RNF150: variants seen among roughly 807,000 people sequenced by gnomAD.
RNF150 encodes the protein ring finger protein 150.
In RNF150, 24 loss-of-function variants were observed where a neutral mutation model predicts 39.3. That is an observed-to-expected ratio of 0.61 (90% CI 0.44 to 0.86). RNF150 has a LOEUF of 0.86. Ranked by LOEUF, RNF150 falls within the 40% of genes least tolerant of loss-of-function variation. The probability of loss-of-function intolerance (pLI) is 0.00; values close to 1 mark genes in which losing one functional copy is unlikely to be tolerated. For synonymous variants in RNF150, 255 were observed against 227.3 expected (o/e 1.12, Z -1.10); for missense variants, 502 against 587.8 (o/e 0.85, Z 1.51).
chr4:141,100,605 C>G, intron 1 of RNF150, among the ~76,000 whole-genome samples: 1 of 152,154 alleles, frequency 6.6e-6, no homozygotes. Context: ...CAATGTCTAA[C>G]TTGGGATGGA....
intron 1 of RNF150, among the ~76,000 whole-genome samples, chr4:141,083,145 C>T (rs1224874469): frequency 1.3e-5 from 2 of 152,214 alleles, no homozygotes; most frequent in East Asian, 3.8e-4. Flanking sequence ...GCCAGAATGG[C>T]TCATCACAGA....
chr4:141,059,530 T>G (rs185638171), intron 1 of RNF150, among the ~76,000 whole-genome samples: 35 of 152,332 alleles, frequency 2.3e-4, no homozygotes, highest in African/African-American at 8.2e-4. Context: ...CTGCATTTTT[T>G]TTTAGAATTC....
At chr4:140,898,324 A>G (rs1309889388) in intron 6 of RNF150, among the ~76,000 whole-genome samples, 1 of 151,464 alleles carries the variant, frequency 6.6e-6, no homozygotes, top group East Asian at 1.9e-4. Flanking sequence ...GTAAGCTGCA[A>G]CTACAGTTTC....
intron 6 of RNF150, among the ~76,000 whole-genome samples, chr4:140,882,812 TA>T: frequency 6.6e-6 from 1 of 152,306 alleles, no homozygotes; most frequent in East Asian, 1.9e-4. Flanking sequence ...TCCTTAAATC[TA>T]AAGTGACTGC....
chr4:140,992,454 TG>T (rs2111481949), intron 1 of RNF150, among the ~76,000 whole-genome samples: 1 of 152,176 alleles, frequency 6.6e-6, no homozygotes, highest in South Asian at 2.1e-4. Context: ...AACAGAATGT[TG>T]AACAGTACTG....
At chr4:140,946,581 G>A (rs954576397) in intron 4 of RNF150, among the ~76,000 whole-genome samples, 2 of 152,130 alleles carry the variant, frequency 1.3e-5, no homozygotes, top group East Asian at 3.9e-4. Context: ...TGAACTCCTG[G>A]GCTCAAGGGA....
intron 5 of RNF150, among the ~76,000 whole-genome samples, chr4:140,914,948 CAACAAA>C (rs953561322): frequency 6.6e-5 from 10 of 151,898 alleles, no homozygotes; most frequent in Admixed American, 2.6e-4. Context: ...TTTGTTAAAA[CAACAAA>C]AACAAAAACA....
At chr4:141,087,161 G>A (rs979290336) in intron 1 of RNF150, among the ~76,000 whole-genome samples, 15 of 151,808 alleles carry the variant, frequency 9.9e-5, no homozygotes, top group Non-Finnish European at 1.8e-4. Context: ...TCAAGTAGAC[G>A]CCAGTTGTCT....
intron 2 of RNF150, among the ~76,000 whole-genome samples, chr4:140,957,258 C>T (rs1222601362): frequency 6.6e-6 from 1 of 152,156 alleles, no homozygotes; most frequent in African/African-American, 2.4e-5. Flanking sequence ...ACAGACACTT[C>T]TCAAAAGAGG....
At position 140,949,628 on chromosome 4, in the gene RNF150, G is replaced by C. The variant is rs143041554; in HGVS notation, c.736-256C>G. Among the ~76,000 whole-genome samples, 205 of 152,000 alleles carry C rather than the reference G, an allele frequency of 1.3e-3. 1 individual carries two copies. Among genetic ancestry groups the C allele is most frequent in the African/African-American group, 4.6e-3 (191 of 41,432 alleles). On this transcript the variant is annotated intron_variant, in intron 2 of 6. Coordinates refer to ENST00000515673, the MANE Select transcript of RNF150 (RefSeq NM_020724.2). Reference sequence around the variant, plus strand: ...TAAGCAAGTGCATGTGACATACATAGATCCTGCCCTACAGTTCTACAGTGC... The same window carrying C: ...TAAGCAAGTGCATGTGACATACATACATCCTGCCCTACAGTTCTACAGTGC...
At chr4:141,202,265 CTGT>C (rs1308680152) in intron 1 of RNF150, among the ~76,000 whole-genome samples, 2 of 152,112 alleles carry the variant, frequency 1.3e-5, no homozygotes, top group Non-Finnish European at 2.9e-5. Flanking sequence ...TACCATCTCA[CTGT>C]TGTTACAGAA....
intron 1 of RNF150, among the ~76,000 whole-genome samples, chr4:140,974,112 T>C (rs1472832009): frequency 1.3e-5 from 2 of 152,166 alleles, no homozygotes; most frequent in Non-Finnish European, 2.9e-5. Flanking sequence ...ATCACATATA[T>C]AGAGTCATAT....
intron 1 of RNF150, among the ~76,000 whole-genome samples, chr4:141,060,372 T>C (rs1258086133): frequency 6.6e-6 from 1 of 152,064 alleles, no homozygotes; most frequent in Admixed American, 6.6e-5. Context: ...GCCCAGGAGG[T>C]TGAGGTTGCA....
Position 140,967,635 on chromosome 4 carries a change from C to G in RNF150, c.723G>C (p.Arg241Ser), listed in dbSNP as rs1733296084. Residue 241 changes from arginine to serine, a missense_variant, in exon 2 of 7, where the codon AGG becomes AGC. Coordinates refer to ENST00000515673, the MANE Select transcript of RNF150 (RefSeq NM_020724.2). Reference protein sequence around the residue: ...YIQRFRYANARDRNQRRLGDA... With the variant: ...YIQRFRYANASDRNQRRLGDA... ...TTTTGCTACTCACCTGGTTCCTATC[C>G]CTGGCATTTGCATATCGAAACCTCT... 6.2e-7 allele frequency: 1 copy of G among 1,606,256 alleles called. No homozygotes were observed. The highest frequency in any genetic ancestry group is 8.5e-7 in the Non-Finnish European group (1 of 1,174,122).
rs1728427214 is a variant in RNF150, at chr4:140,860,149, T to TC, written c.*8111_*8112insG. The TC allele has an allele frequency of 6.6e-6, 1 of 151,972 alleles. No individual in the cohort carries two copies. The highest frequency in any genetic ancestry group is 2.1e-4 in the South Asian group (1 of 4,820). The allele number at this position is 151,972 out of a possible 1,614,324, so 9.4% of individuals were successfully genotyped here. Reference sequence around the variant, plus strand: ...TAAAGACAGTTACTTTTTTTTTTTTTTCAATTTCTTTGTATTTCAAGAGGG... The same window carrying TC: ...TAAAGACAGTTACTTTTTTTTTTTTTCTCAATTTCTTTGTATTTCAAGAGGG... On this transcript the variant is annotated 3_prime_UTR_variant, in exon 7 of 7. Transcript: ENST00000515673.
At chr4:140,939,852 C>T (rs1732014164) in intron 4 of RNF150, among the ~76,000 whole-genome samples, 1 of 152,174 alleles carries the variant, frequency 6.6e-6, no homozygotes, top group Non-Finnish European at 1.5e-5. Context: ...TCATTTTCAA[C>T]TACTCCAAAC....
chr4:141,170,618 T>C (rs1270954771), intron 1 of RNF150, among the ~76,000 whole-genome samples: 3 of 152,206 alleles, frequency 2.0e-5, no homozygotes, highest in African/African-American at 7.2e-5. Flanking sequence ...TTTTCTGAGA[T>C]AGGGTCATAA....
intron 1 of RNF150, among the ~76,000 whole-genome samples, chr4:141,131,858 T>C (rs920603455): frequency 6.6e-6 from 1 of 152,044 alleles, no homozygotes; most frequent in Non-Finnish European, 1.5e-5. Context: ...CAAGTGCAAG[T>C]TCGCGGTGGT....
At chr4:141,063,726 T>C (rs544978340) in intron 1 of RNF150, among the ~76,000 whole-genome samples, 1 of 152,226 alleles carries the variant, frequency 6.6e-6, no homozygotes, top group Admixed American at 6.5e-5. Flanking sequence ...ACGCACAAAT[T>C]ATTATGCTAG....
Sources: gnomAD v4.1 joint callset for allele counts (sites outside exome capture counted in the v4.1 genomes callset) on GRCh38, gnomAD v4.1.1 for gene constraint, MANE v1.5 for transcripts, NCBI Gene and HGNC (gene_info 2026-07-23, HGNC 2026-07-21) for gene names.